FBXO25: variants seen among roughly 807,000 people sequenced by gnomAD.
FBXO25 encodes the protein F-box protein 25, also known as F-box only protein 25.
A neutral mutation model predicts 51.9 loss-of-function variants in FBXO25; 45 were observed. The ratio of observed to expected loss-of-function variants is 0.87; its 90% CI spans 0.68 to 1.11. FBXO25 has a LOEUF of 1.11. Among genes scored for constraint, FBXO25 ranks in the 50% most tolerant of loss-of-function variants. The probability of loss-of-function intolerance (pLI) is 0.00; values close to 1 mark genes in which losing one functional copy is unlikely to be tolerated. For synonymous variants in FBXO25, 199 were observed against 151.0 expected (o/e 1.32, Z -2.33); for missense variants, 507 against 428.5 (o/e 1.18, Z -1.62).
chr8:441,800 C>T (rs557264714), intron 5 of FBXO25, among the ~76,000 whole-genome samples: 5 of 152,282 alleles, frequency 3.3e-5, no homozygotes, highest in Admixed American at 3.3e-4. Context: ...AAATCAAAAC[C>T]ACAATGACAT....
At position 447,120 on chromosome 8, in the gene FBXO25, A is replaced by C. The variant is rs181787267; in HGVS notation, c.382-2870A>C. 2.0e-3 allele frequency among the ~76,000 whole-genome samples: 300 copies of C among 152,336 alleles called. 3 individuals carry two copies. Among genetic ancestry groups the C allele is most frequent in the Admixed American group, 4.4e-3 (67 of 15,306 alleles). On this transcript the variant is annotated intron_variant, in intron 5 of 9. Coordinates refer to ENST00000350302, the MANE Select transcript of FBXO25 (RefSeq NM_183420.2). ...CGAGCCCCACATACCCTGTGCACTG[A>C]GAGGCTGAGTCGCAGATGTTCAACT...
In FBXO25 at chr8:451,310, C is replaced by G; in HGVS notation, c.517C>G (p.Leu173Val). The change falls in exon 7 of 10, where the codon CTG becomes GTG. Residue 173 changes from leucine (L) to valine (V), a missense_variant. Leu to Val is a conservative substitution (Grantham distance 32, BLOSUM62 1). Coordinates refer to ENST00000350302, the MANE Select transcript of FBXO25 (RefSeq NM_183420.2). Reference sequence around the variant, plus strand: ...CAATCCTCGCTTAATCAAAGATCTTCTGCAAGACCTAAGCTCTACCCTCTG... The same window carrying G: ...CAATCCTCGCTTAATCAAAGATCTTGTGCAAGACCTAAGCTCTACCCTCTG... ...HHNPRLIKDLLQDLSSTLCIL... is the reference protein window; with the variant it reads ...HHNPRLIKDLVQDLSSTLCIL... The G allele has an allele frequency of 6.2e-7, 1 of 1,611,306 alleles. No individual in the cohort carries two copies. Among genetic ancestry groups the G allele is most frequent in the Non-Finnish European group, 8.5e-7 (1 of 1,179,292 alleles).
intron 9 of FBXO25, among the ~76,000 whole-genome samples, chr8:466,998 C>G (rs770200092): frequency 2.0e-5 from 3 of 152,066 alleles, no homozygotes; most frequent in Non-Finnish European, 2.9e-5. Context: ...GTATCAGTTG[C>G]CAGAATAGAG....
intron 1 of FBXO25, among the ~76,000 whole-genome samples, chr8:410,522 T>C (rs1322072414): frequency 6.6e-6 from 1 of 152,196 alleles, no homozygotes; most frequent in East Asian, 1.9e-4. Flanking sequence ...TAGCAGCCAT[T>C]TTCTGTTGAA....
chr8:464,516 G>A, intron 9 of FBXO25, among the ~76,000 whole-genome samples: 1 of 152,154 alleles, frequency 6.6e-6, no homozygotes, highest in East Asian at 1.9e-4. Flanking sequence ...GCCTTCTCTA[G>A]GTCTAGGGAG....
At chr8:461,547 C>A (rs1029873001) in intron 8 of FBXO25, among the ~76,000 whole-genome samples, 14 of 152,210 alleles carry the variant, frequency 9.2e-5, no homozygotes, top group Non-Finnish European at 1.3e-4. Context: ...TTACCTCCCA[C>A]CGGGTCCCTC....
At chr8:425,437 G>T (rs1269401324) in intron 2 of FBXO25, among the ~76,000 whole-genome samples, 1 of 149,020 alleles carries the variant, frequency 6.7e-6, no homozygotes, top group African/African-American at 2.5e-5. Context: ...CTAGTGGTTT[G>T]TTTTGGTTGA....
rs779783785 is a variant in FBXO25 at position 475,025 on chromosome 8, T to A, written c.*6221T>A. 2.5e-6 allele frequency: 1 copy of A among 406,092 alleles called. No individual in the cohort carries two copies. The highest frequency in any genetic ancestry group is 4.8e-6 in the Non-Finnish European group (1 of 208,310). The allele number at this position is 406,092 out of a possible 1,614,324, so 25.2% of individuals were successfully genotyped here. On this transcript the variant is annotated 3_prime_UTR_variant, in exon 10 of 10. Transcript: ENST00000350302. Reference sequence around the variant, plus strand: ...CTGTGTGTGCCTCTGGTGTCATATCTAAGAAATCACTGCCAAATCCAATGT... The same window carrying A: ...CTGTGTGTGCCTCTGGTGTCATATCAAAGAAATCACTGCCAAATCCAATGT...
intron 2 of FBXO25, among the ~76,000 whole-genome samples, chr8:417,423 G>A (rs1796875643): frequency 6.6e-6 from 1 of 152,224 alleles, no homozygotes; most frequent in South Asian, 2.1e-4. Context: ...GGATGAGGAA[G>A]GGCTCAAATC....
chr8:418,355 T>G (rs1191160667), intron 2 of FBXO25, among the ~76,000 whole-genome samples: 2 of 142,666 alleles, frequency 1.4e-5, no homozygotes, highest in Non-Finnish European at 3.1e-5. Context: ...TTTTTTTTTT[T>G]TTGAGATGGA....
chr8:414,127 T>C (rs1485528459), intron 2 of FBXO25, among the ~76,000 whole-genome samples: 1 of 152,218 alleles, frequency 6.6e-6, no homozygotes, highest in Non-Finnish European at 1.5e-5. Context: ...TTTTGCAGTA[T>C]TTGAAGCAGA....
At chr8:430,875 A>G (rs1797782883) in intron 2 of FBXO25, among the ~76,000 whole-genome samples, 1 of 152,194 alleles carries the variant, frequency 6.6e-6, no homozygotes, top group Admixed American at 6.5e-5. Flanking sequence ...TTGGTGCTTA[A>G]TAAAAACATG....
rs1800433425 is a variant in FBXO25 at position 470,152 on chromosome 8, A to C, written c.*1348A>C. The C allele has an allele frequency of 6.6e-6, 1 of 152,096 alleles. No homozygotes were observed. Among genetic ancestry groups the C allele is most frequent in the Non-Finnish European group, 1.5e-5 (1 of 68,036 alleles). The allele number at this position is 152,096 out of a possible 1,614,324, so 9.4% of individuals were successfully genotyped here. On this transcript the variant is annotated 3_prime_UTR_variant, in exon 10 of 10. Transcript: ENST00000350302. The stretch of plus-strand genomic sequence containing the variant: ...AACTTGGCTTTTATTAGCTCCACAG[A>C]ATCACCCAGATGGAACAGGCTTTTT...
chr8:461,440 T>C (rs1367294071), intron 8 of FBXO25, among the ~76,000 whole-genome samples: 1 of 152,180 alleles, frequency 6.6e-6, no homozygotes. Flanking sequence ...CAAGAGAGCA[T>C]GTGCAGGGGA....
rs1047106292 is a variant in FBXO25, at chr8:469,195, G to C, written c.*391G>C. The C allele has an allele frequency of 5.9e-6, 1 of 168,262 alleles. No individual in the cohort carries two copies. The highest frequency in any genetic ancestry group is 2.4e-5 in the African/African-American group (1 of 42,006). 10.4% of individuals were successfully genotyped at this position (168,262 alleles called of 1,614,324 possible). On this transcript the variant is annotated 3_prime_UTR_variant, in exon 10 of 10. Coordinates refer to ENST00000350302, the MANE Select transcript of FBXO25 (RefSeq NM_183420.2). The stretch of plus-strand genomic sequence containing the variant: ...CCCAATTGGGAAACTAATTGGGGGT[G>C]GGTTACAAAACATTTGATCCTTGTA...
chr8:425,968 G>A (rs968930171), intron 2 of FBXO25, among the ~76,000 whole-genome samples: 1 of 149,360 alleles, frequency 6.7e-6, no homozygotes, highest in African/African-American at 2.5e-5. Context: ...GCTCCCCACA[G>A]TACCTGATAC....
chr8:457,174 G>C (rs1341932534), intron 7 of FBXO25, among the ~76,000 whole-genome samples: 1 of 152,160 alleles, frequency 6.6e-6, no homozygotes, highest in African/African-American at 2.4e-5. Context: ...ACCCCAGACT[G>C]GGGTCAGGAG....
chr8:431,924 T>C (rs1224412761), intron 3 of FBXO25, among the ~76,000 whole-genome samples: 1 of 152,196 alleles, frequency 6.6e-6, no homozygotes, highest in African/African-American at 2.4e-5. Flanking sequence ...TAATGTATAG[T>C]AGGCTCCCTT....
At chr8:430,840 T>C (rs1797781347) in intron 2 of FBXO25, among the ~76,000 whole-genome samples, 1 of 152,204 alleles carries the variant, frequency 6.6e-6, no homozygotes, top group South Asian at 2.1e-4. Context: ...CTGGTTCCAG[T>C]TAAATGTGTT....
Sources: allele counts gnomAD v4.1 joint callset (sites outside exome capture counted in the v4.1 genomes callset), GRCh38; gene constraint gnomAD v4.1.1; transcripts MANE v1.5; gene names NCBI Gene and HGNC (gene_info 2026-07-23, HGNC 2026-07-21).